PARVA: variants seen among roughly 807,000 people sequenced by gnomAD.
PARVA encodes the protein alpha-parvin.
Under a neutral mutation model 52.6 loss-of-function variants are expected in PARVA, and 25 were observed. The ratio of observed to expected loss-of-function variants is 0.48; its 90% confidence interval spans 0.35 to 0.66. PARVA has a LOEUF of 0.66. Ranked by LOEUF, PARVA falls within the 30% of genes least tolerant of loss-of-function variation. PARVA has a pLI of 0.01. For missense variants in PARVA, 373 were observed against 450.9 expected (o/e 0.83, Z 1.56); for synonymous variants, 185 against 179.1 (o/e 1.03, Z -0.26).
chr11:12,432,870 T>G (rs1037706709), intron 1 of PARVA, among the ~76,000 whole-genome samples: 2 of 152,200 alleles, frequency 1.3e-5, no homozygotes, highest in African/African-American at 4.8e-5. Context: ...GAAAACTGAT[T>G]GCTTAGGTCC....
intron 4 of PARVA, among the ~76,000 whole-genome samples, chr11:12,484,822 T>TC (rs1370628060): frequency 6.7e-6 from 1 of 148,762 alleles, no homozygotes; most frequent in African/African-American, 2.5e-5. Flanking sequence ...TTTTTTTTTT[T>TC]TTTTTTTTGA....
chr11:12,505,052 C>T (rs1941417441), intron 6 of PARVA, among the ~76,000 whole-genome samples: 2 of 152,070 alleles, frequency 1.3e-5, no homozygotes, highest in South Asian at 4.1e-4. Flanking sequence ...TTTCCATTCA[C>T]ATATGGCTGT....
chr11:12,377,671 G>C lies in PARVA; in HGVS notation c.24G>C (p.Ser8=), dbSNP rs761829784. 1.5e-5 allele frequency: 23 copies of C among 1,569,416 alleles called. No individual in the cohort carries two copies. In the South Asian group the frequency reaches 2.6e-4, roughly 17 times the overall value. The change falls in exon 1 of 13, where the codon TCG becomes TCC. Residue 8 remains serine, a synonymous_variant. Transcript: ENST00000334956. ...CCATGGCCACCTCCCCGCAGAAGTC[G>C]CCTTCTGTCCCCAAGTCTCCCACTC... MATSPQK[S]PSVPKSPTPK...
intron 8 of PARVA, among the ~76,000 whole-genome samples, chr11:12,511,925 A>G (rs1316938448): frequency 6.6e-6 from 1 of 152,180 alleles, no homozygotes; most frequent in Non-Finnish European, 1.5e-5. Context: ...ACTACTTGCA[A>G]GTGCTTATTT....
intron 1 of PARVA, among the ~76,000 whole-genome samples, chr11:12,435,482 C>T (rs1305974502): frequency 1.3e-5 from 2 of 152,322 alleles, no homozygotes; most frequent in East Asian, 3.9e-4. Context: ...TTCTAAGTCC[C>T]AGGACCGAAG....
rs1231498995 is a variant in PARVA at position 12,532,295 on chromosome 11, A to G, written c.*4370A>G. Among the ~76,000 whole-genome samples, 1 of 152,246 alleles carries G rather than the reference A, an allele frequency of 6.6e-6. No homozygotes were observed. Among genetic ancestry groups the G allele is most frequent in the Non-Finnish European group, 1.5e-5 (1 of 68,048 alleles). On this transcript the variant is annotated 3_prime_UTR_variant, in exon 13 of 13. Transcript: ENST00000334956. ...TCACGTTTAAATATGTTTAGGAAAC[A>G]TGAGGTGAAGAAAGTTAGCTTACTG...
chr11:12,476,180 A>G (rs532545856), intron 3 of PARVA, among the ~76,000 whole-genome samples: 211 of 152,206 alleles, frequency 1.4e-3, no homozygotes, highest in Non-Finnish European at 2.4e-3. Flanking sequence ...TGTTTGAGAG[A>G]GTGAAGGATT....
chr11:12,503,138 C>T (rs1460721318), intron 5 of PARVA, among the ~76,000 whole-genome samples: 1 of 152,180 alleles, frequency 6.6e-6, no homozygotes, highest in Non-Finnish European at 1.5e-5. Context: ...GGCTCAGTAA[C>T]ATCCCGTCCC....
Position 12,508,537 on chromosome 11 carries a change from A to T in PARVA, c.658-47A>T, listed in dbSNP as rs1305037065. 3 of 1,324,242 alleles carry T rather than the reference A, an allele frequency of 2.3e-6. No homozygotes were observed. The South Asian group carries it at 3.5e-5, about 16-fold the overall frequency. 82.0% of individuals were successfully genotyped at this position (1,324,242 alleles called of 1,614,324 possible). On this transcript the variant is annotated intron_variant, in intron 6 of 12. Transcript: ENST00000334956. The stretch of plus-strand genomic sequence containing the variant: ...CAGTGTTTCTGTATTTTTCTAAAGC[A>T]TAGTTTTCTCTTCTCCTCCCAACCC...
intron 1 of PARVA, among the ~76,000 whole-genome samples, chr11:12,395,071 A>G (rs571094283): frequency 6.7e-6 from 1 of 150,152 alleles, no homozygotes; most frequent in African/African-American, 2.5e-5. Context: ...AGCCTGGGCA[A>G]CTGGAGCGAA....
chr11:12,433,118 T>C (rs1940338138), intron 1 of PARVA, among the ~76,000 whole-genome samples: 1 of 152,224 alleles, frequency 6.6e-6, no homozygotes, highest in South Asian at 2.1e-4. Context: ...AAATGCTAAA[T>C]TCCTTCTGCA....
Position 12,530,101 on chromosome 11 carries a change from C to T in PARVA, c.*2176C>T, listed in dbSNP as rs1395109213. The T allele has an allele frequency of 6.6e-6, 1 of 152,132 alleles. No individual in the cohort carries two copies. Among genetic ancestry groups the T allele is most frequent in the Non-Finnish European group, 1.5e-5 (1 of 68,028 alleles). The allele number at this position is 152,132 out of a possible 1,614,324, so 9.4% of individuals were successfully genotyped here. A position where few individuals can be genotyped will look rare whatever the true frequency, so the allele number is the denominator to read the frequency against. On this transcript the variant is annotated 3_prime_UTR_variant, in exon 13 of 13. Coordinates refer to ENST00000334956, the MANE Select transcript of PARVA (RefSeq NM_018222.5). ...AGTTACAAATGTACAAGTATCCTTACTAAGAGTGCTCCTTTTGTATTTTAC... is the reference window on the plus strand; with the variant it reads ...AGTTACAAATGTACAAGTATCCTTATTAAGAGTGCTCCTTTTGTATTTTAC...
chr11:12,400,778 G>A (rs1183580387), intron 1 of PARVA, among the ~76,000 whole-genome samples: 1 of 152,060 alleles, frequency 6.6e-6, no homozygotes, highest in Non-Finnish European at 1.5e-5. Flanking sequence ...ACATATTTTT[G>A]TTAATTATAG....
At chr11:12,378,058 C>T (rs1027713280) in intron 1 of PARVA, among the ~76,000 whole-genome samples, 1 of 150,390 alleles carries the variant, frequency 6.6e-6, no homozygotes, top group Non-Finnish European at 1.5e-5. Flanking sequence ...AACGCCCCCG[C>T]CGGGCCGTGG....
chr11:12,393,530 G>T (rs4757420), intron 1 of PARVA, among the ~76,000 whole-genome samples: 33,774 of 152,004 alleles, frequency 0.22, 4,650 homozygotes, highest in African/African-American at 0.39. Flanking sequence ...AGGGATCCAG[G>T]CCCCTTTCAT....
rs151025354 is a variant in PARVA, at chr11:12,501,428, T to C, written c.542-2886T>C. ...CTTCTTAAAGCAGTGGTTATTCAAC[T>C]ATGGTTGGTCCAAAACTAGGGATTT... On this transcript the variant is annotated intron_variant, in intron 5 of 12. Transcript: ENST00000334956. Among the ~76,000 whole-genome samples, 552 of 152,238 alleles carry C rather than the reference T, an allele frequency of 3.6e-3. 3 individuals carry two copies. Among genetic ancestry groups the C allele is most frequent in the Non-Finnish European group, 4.7e-3 (318 of 68,016 alleles).
chr11:12,521,005 G>A (rs555761635), intron 12 of PARVA, among the ~76,000 whole-genome samples: 13 of 152,224 alleles, frequency 8.5e-5, no homozygotes, highest in African/African-American at 2.6e-4. Flanking sequence ...TTAGGGCATC[G>A]TGCCACATGT....
At chr11:12,471,154 A>G (rs958737086) in intron 1 of PARVA, among the ~76,000 whole-genome samples, 1 of 152,200 alleles carries the variant, frequency 6.6e-6, no homozygotes, top group Non-Finnish European at 1.5e-5. Context: ...AATAAAGAAC[A>G]GGTTCATTTT....
rs188094889 is a variant in PARVA, at chr11:12,448,319, C to T, written c.137-25426C>T. On this transcript the variant is annotated intron_variant, in intron 1 of 12. Transcript: ENST00000334956. ...GCAGCCTGGCCAGCATGGGTGCAGC[C>T]GTGATCCTTCTGAGATTCAACAGCA... is the stretch of plus-strand genomic sequence containing the variant. 2.0e-3 allele frequency among the ~76,000 whole-genome samples: 298 copies of T among 152,252 alleles called. 3 individuals are homozygous for T. Among genetic ancestry groups the T allele is most frequent in the Admixed American group, 4.3e-3 (65 of 15,290 alleles).
Sources: allele counts gnomAD v4.1 joint callset (sites outside exome capture counted in the v4.1 genomes callset), GRCh38; gene constraint gnomAD v4.1.1; transcripts MANE v1.5; gene names NCBI Gene and HGNC (gene_info 2026-07-23, HGNC 2026-07-21).